Variants in CUX2 observed in about 807,000 individuals in gnomAD.
CUX2 encodes cut like homeobox 2.
CUX2 carries 40 observed loss-of-function variants against 144.8 expected under a neutral mutation model. The ratio of observed to expected loss-of-function variants is 0.28; its 90% CI spans 0.21 to 0.36. CUX2 has a LOEUF of 0.36. Among genes scored for constraint, CUX2 ranks in the 10% least tolerant of loss-of-function variants. CUX2 has a pLI of 1.00. For synonymous variants in CUX2, 827 were observed against 875.6 expected, an observed-to-expected ratio of 0.94 and a Z score of 0.98; for missense variants, 1,615 against 1,994.0, an observed-to-expected ratio of 0.81 and a Z score of 3.62.
intron 3 of CUX2, among the ~76,000 whole-genome samples, chr12:111,251,782 G>A (rs1883572866): frequency 6.6e-6 from 1 of 152,080 alleles, no homozygotes; most frequent in South Asian, 2.1e-4. Flanking sequence ...GGGCTTCCTA[G>A]GTCTTGCACT....
In CUX2 at chr12:111,322,702, A is replaced by G. The variant is rs926220325; in HGVS notation, c.2926+122A>G. ...CTCCCTCCCTGCTGCCCTGGCTTTC[A>G]TCCCAGTCACTGTCATGGCTGCACT... On this transcript the variant is annotated intron_variant, in intron 18 of 21. Coordinates refer to ENST00000261726, the MANE Select transcript of CUX2 (RefSeq NM_015267.4). The surrounding 1 kb of genome is among the most constrained non-coding windows in gnomAD (Gnocchi z 4.2). 1.3e-5 allele frequency: 17 copies of G among 1,285,450 alleles called. No homozygotes were observed. In the Admixed American group the frequency reaches 3.5e-4, roughly 26 times the overall value. The allele number at this position is 1,285,450 out of a possible 1,614,324, so 79.6% of individuals were successfully genotyped here.
chr12:111,310,174 G>T lies in CUX2; in HGVS notation c.1392G>T (p.Leu464=), dbSNP rs2136372904. The T allele has an allele frequency of 6.4e-7, 1 of 1,554,374 alleles. No homozygotes were observed. The highest frequency in any genetic ancestry group is 8.7e-7 in the Non-Finnish European group (1 of 1,151,858). ...CTCCCAGCCCCGGGCAGCCCCTGCT[G>T]GGCCCCAGCTTGGGGCCTGACGGCA... ...PLSPSPGQPL[L]GPSLGPDGTR... is the part of the protein sequence containing the mutation. The change falls in exon 15 of 22, where the codon CTG becomes CTT. Residue 464 remains leucine, a synonymous_variant. Coordinates refer to ENST00000261726, the MANE Select transcript of CUX2 (RefSeq NM_015267.4). This position sits in a 1 kb window ranked among gnomAD's most constrained non-coding sequence, Gnocchi z 7.9.
Position 111,285,000 on chromosome 12 carries a change from G to A in CUX2, c.302-6418G>A, listed in dbSNP as rs527896802. On this transcript the variant is annotated intron_variant, in intron 4 of 21. Coordinates refer to ENST00000261726, the MANE Select transcript of CUX2 (RefSeq NM_015267.4). ...GCACCAGCCCTGTCTAAGCCACAGG[G>A]TTTCCTTTCTCCCCCAAACCTGTGA... 5.3e-5 allele frequency among the ~76,000 whole-genome samples: 8 copies of A among 152,172 alleles called. No homozygotes were observed. In the South Asian group the frequency reaches 1.0e-3, roughly 20 times the overall value.
At chr12:111,269,109 T>C (rs996319852) in intron 4 of CUX2, among the ~76,000 whole-genome samples, 1 of 152,214 alleles carries the variant, frequency 6.6e-6, no homozygotes, top group Admixed American at 6.5e-5. Flanking sequence ...TGCCTCGTGC[T>C]GTTATTTGGA....
At chr12:111,271,728 C>G (rs952361134) in intron 4 of CUX2, among the ~76,000 whole-genome samples, 2 of 152,182 alleles carry the variant, frequency 1.3e-5, no homozygotes, top group African/African-American at 4.8e-5. Flanking sequence ...AATATCTTTT[C>G]ATATGTTATA....
At chr12:111,053,019 G>A (rs76727858) in intron 1 of CUX2, among the ~76,000 whole-genome samples, 1,791 of 152,090 alleles carry the variant, frequency 0.012, 36 homozygotes, top group African/African-American at 0.041. Flanking sequence ...GTAGCTAGGT[G>A]CAGGGGCAAA....
chr12:111,076,786 T>C (rs1157373370), intron 1 of CUX2, among the ~76,000 whole-genome samples: 2 of 152,202 alleles, frequency 1.3e-5, no homozygotes, highest in Non-Finnish European at 2.9e-5. Flanking sequence ...AGTGCAGCCT[T>C]TGCTGCATTG....
At chr12:111,120,235 G>T (rs1381895359) in intron 1 of CUX2, among the ~76,000 whole-genome samples, 4 of 152,014 alleles carry the variant, frequency 2.6e-5, no homozygotes, top group Admixed American at 2.6e-4. Context: ...GCTATGCCCT[G>T]GTGTTGTGCC....
At chr12:111,248,670 A>G (rs1646176904) in intron 3 of CUX2, among the ~76,000 whole-genome samples, 1 of 152,144 alleles carries the variant, frequency 6.6e-6, no homozygotes, top group Non-Finnish European at 1.5e-5. Flanking sequence ...AGAAACGCTA[A>G]TGCTCATGGG....
At chr12:111,036,139 A>G (rs1869433101) in intron 1 of CUX2, among the ~76,000 whole-genome samples, 1 of 152,176 alleles carries the variant, frequency 6.6e-6, no homozygotes, top group Non-Finnish European at 1.5e-5. Flanking sequence ...ACAAGAGGAG[A>G]GGAACCAGAA....
intron 1 of CUX2, among the ~76,000 whole-genome samples, chr12:111,042,602 A>G (rs534858950): frequency 1.8e-4 from 27 of 152,302 alleles, no homozygotes; most frequent in African/African-American, 6.0e-4. Context: ...TAATAGTAGT[A>G]GCCACCTCCT....
intron 4 of CUX2, among the ~76,000 whole-genome samples, chr12:111,265,623 G>A (rs1884346127): frequency 6.6e-6 from 1 of 152,044 alleles, no homozygotes; most frequent in Non-Finnish European, 1.5e-5. Context: ...GATTACAGAT[G>A]TGAGCCACCG....
At chr12:111,110,467 G>T (rs745531348) in intron 1 of CUX2, among the ~76,000 whole-genome samples, 4 of 152,084 alleles carry the variant, frequency 2.6e-5, no homozygotes, top group Non-Finnish European at 5.9e-5. Flanking sequence ...ATTAATACGG[G>T]CCTCCAAGTG....
rs1869353285 is a variant in CUX2, at chr12:111,034,946, G to T, written c.63+706G>T. Among the ~76,000 whole-genome samples the T allele has an allele frequency of 6.6e-6, 1 of 151,882 alleles. No individual in the cohort carries two copies. The highest frequency in any genetic ancestry group is 6.5e-5 in the Admixed American group (1 of 15,274). ...CTTCTCCTCGGGCCGGGGTCTTGGG[G>T]TTCGTCTTGCTTCTTGCCTTTACCC... On this transcript the variant is annotated intron_variant, in intron 1 of 21. Coordinates refer to ENST00000261726, the MANE Select transcript of CUX2 (RefSeq NM_015267.4). This position sits in a 1 kb window ranked among gnomAD's most constrained non-coding sequence, Gnocchi z 4.2.
intron 9 of CUX2, among the ~76,000 whole-genome samples, chr12:111,303,282 T>C (rs1886399585): frequency 6.7e-6 from 1 of 150,036 alleles, no homozygotes; most frequent in South Asian, 2.1e-4. Flanking sequence ...ACTGCTGCAT[T>C]CTGATTTTAA....
chr12:111,336,459 T>TGTGTGTGTGTGTGTGTGTG (rs199709412), intron 19 of CUX2, among the ~76,000 whole-genome samples: 1 of 146,530 alleles, frequency 6.8e-6, no homozygotes, highest in African/African-American at 2.6e-5. Flanking sequence ...TGTGTGTGTG[T>TGTGTGTGTGTGTGTGTGTG]TTAAGATGGA....
At chr12:111,223,887 G>A (rs1415824789) in intron 3 of CUX2, among the ~76,000 whole-genome samples, 1 of 152,126 alleles carries the variant, frequency 6.6e-6, no homozygotes, top group Non-Finnish European at 1.5e-5. Flanking sequence ...CAGGTCCTGG[G>A]GGAGTAGGGA....
rs528610730 is a variant in CUX2 at position 111,253,100 on chromosome 12, A to G, written c.223-10661A>G. ...GAGCCGCCTGGGTTGTTCTCCTGGAACTCGGCAGGAGCCACTTCCCTGGTC... is the reference window on the plus strand; with the variant it reads ...GAGCCGCCTGGGTTGTTCTCCTGGAGCTCGGCAGGAGCCACTTCCCTGGTC... On this transcript the variant is annotated intron_variant, in intron 3 of 21. Transcript: ENST00000261726. Among the ~76,000 whole-genome samples the G allele has an allele frequency of 2.6e-5, 4 of 151,610 alleles. No individual in the cohort carries two copies. The East Asian group carries it at 5.8e-4, about 22-fold the overall frequency.
At chr12:111,299,754 C>G (rs1886192442) in intron 9 of CUX2, among the ~76,000 whole-genome samples, 1 of 152,222 alleles carries the variant, frequency 6.6e-6, no homozygotes, top group Non-Finnish European at 1.5e-5. Flanking sequence ...AGAAGCTACA[C>G]AAGGGCCTGT....
Sources: allele counts gnomAD v4.1 joint callset (sites outside exome capture counted in the v4.1 genomes callset), GRCh38; gene constraint gnomAD v4.1.1; non-coding constraint Gnocchi (gnomAD v3.1); transcripts MANE v1.5; gene names NCBI Gene and HGNC (gene_info 2026-07-23, HGNC 2026-07-21).